Variants in CAST observed in about 807,000 individuals in gnomAD.
CAST encodes the protein MIR583 host.
CAST carries 76 observed loss-of-function variants against 119.6 expected under a neutral mutation model. The observed-to-expected ratio is 0.64, with a 90% CI of 0.53 to 0.77. The LOEUF (loss-of-function observed/expected upper bound fraction) is 0.77. CAST is among the 30% of genes least tolerant of loss of function. The pLI, the probability that CAST is intolerant of heterozygous loss-of-function variation, is 0.00. For missense variants in CAST, 953 were observed against 946.5 expected, an observed-to-expected ratio of 1.01 and a Z score of -0.09; for synonymous variants, 319 against 331.6, an observed-to-expected ratio of 0.96 and a Z score of 0.41.
At chr5:96,628,000 G>A (rs572119662) in intron 1 of CAST, among the ~76,000 whole-genome samples, 2 of 152,336 alleles carry the variant, frequency 1.3e-5, no homozygotes, top group East Asian at 3.9e-4. Flanking sequence ...GAAACAGAAT[G>A]TTTGTTGAAT....
intron 10 of CAST, among the ~76,000 whole-genome samples, chr5:96,737,476 C>G (rs1761906216): frequency 6.6e-6 from 1 of 152,214 alleles, no homozygotes; most frequent in South Asian, 2.1e-4. Flanking sequence ...TCCCTTATCG[C>G]TTAGAGCAAC....
the CAST span, among the ~76,000 whole-genome samples, chr5:96,058,620 T>C: frequency 1.5e-4 from 22 of 147,102 alleles, no homozygotes; most frequent in African/African-American, 5.4e-4. Flanking sequence ...ATAATCTTTA[T>C]TATGAAGTAG....
the CAST span, among the ~76,000 whole-genome samples, chr5:96,169,684 T>C: frequency 4.6e-5 from 7 of 151,724 alleles, no homozygotes; most frequent in Non-Finnish European, 7.4e-5. Context: ...TGGTAAGGGG[T>C]GCATGATCGG....
the CAST span, among the ~76,000 whole-genome samples, chr5:96,354,822 T>C: frequency 6.6e-6 from 1 of 150,786 alleles, no homozygotes; most frequent in Non-Finnish European, 1.5e-5. Context: ...CTGTGAAAGA[T>C]GAAGGTCTAG....
chr5:96,595,575 A>G (rs937918366), intron 1 of CAST, among the ~76,000 whole-genome samples: 4 of 152,196 alleles, frequency 2.6e-5, no homozygotes, highest in African/African-American at 7.2e-5. Flanking sequence ...ACCAATGCCA[A>G]GGGTGGGATG....
intron 1 of CAST, among the ~76,000 whole-genome samples, chr5:96,644,032 C>T (rs72772062): frequency 3.3e-5 from 5 of 150,550 alleles, no homozygotes; most frequent in South Asian, 2.1e-4. Context: ...GGGGACAGAA[C>T]GAGGTTCCGT....
intron 3 of CAST, among the ~76,000 whole-genome samples, chr5:96,714,326 G>T (rs1037309793): frequency 6.6e-6 from 1 of 152,188 alleles, no homozygotes; most frequent in Non-Finnish European, 1.5e-5. Context: ...TTGAACATCT[G>T]TCCTTAAGCA....
chr5:96,084,439 C>T, the CAST span, among the ~76,000 whole-genome samples: 3 of 152,150 alleles, frequency 2.0e-5, no homozygotes, highest in Non-Finnish European at 4.4e-5. Flanking sequence ...ATAAAAGGAG[C>T]CTGGGGAATA....
At chr5:96,075,534 G>A in the CAST span, among the ~76,000 whole-genome samples, 1 of 152,140 alleles carries the variant, frequency 6.6e-6, no homozygotes, top group East Asian at 1.9e-4. Flanking sequence ...TTCCAGTTCA[G>A]CTTTCGTTCT....
At chr5:96,108,640 G>A in the CAST span, among the ~76,000 whole-genome samples, 1 of 152,320 alleles carries the variant, frequency 6.6e-6, no homozygotes, top group African/African-American at 2.4e-5. Flanking sequence ...TGTCAGACAG[G>A]GACATTTAAG....
chr5:96,327,399 C>T, the CAST span, among the ~76,000 whole-genome samples: 2 of 152,154 alleles, frequency 1.3e-5, no homozygotes, highest in Non-Finnish European at 2.9e-5. Flanking sequence ...TACTGGGATC[C>T]TTATTCAATC....
At chr5:96,590,044 G>A (rs1580837035) in intron 1 of CAST, among the ~76,000 whole-genome samples, 1 of 152,188 alleles carries the variant, frequency 6.6e-6, no homozygotes, top group Non-Finnish European at 1.5e-5. Flanking sequence ...GAAACAGGCT[G>A]TTTTATACTG....
chr5:96,245,873 C>CT, the CAST span, among the ~76,000 whole-genome samples: 2 of 152,162 alleles, frequency 1.3e-5, no homozygotes, highest in Admixed American at 1.3e-4. Flanking sequence ...AGGGTGCTAG[C>CT]TATGAGGCTG....
chr5:96,693,138 A>C (rs578250586), intron 2 of CAST, among the ~76,000 whole-genome samples: 1 of 152,252 alleles, frequency 6.6e-6, no homozygotes, highest in South Asian at 2.1e-4. Flanking sequence ...ATGATTTTAC[A>C]TATTCCAGTC....
chr5:96,605,566 C>T (rs1747237300), intron 1 of CAST, among the ~76,000 whole-genome samples: 1 of 151,968 alleles, frequency 6.6e-6, no homozygotes, highest in Non-Finnish European at 1.5e-5. Flanking sequence ...TAAAACGTTG[C>T]TAGCCTGAAA....
the CAST span, among the ~76,000 whole-genome samples, chr5:96,326,801 T>C: frequency 2.7e-5 from 4 of 150,534 alleles, no homozygotes; most frequent in African/African-American, 9.8e-5. Flanking sequence ...ATAGAGTTCA[T>C]GATCACTTGA....
chr5:96,169,165 G>A, the CAST span, among the ~76,000 whole-genome samples: 2 of 152,174 alleles, frequency 1.3e-5, no homozygotes, highest in Admixed American at 6.5e-5. Context: ...GGGAGAGCAC[G>A]TGTGTTTTTA....
chr5:96,049,702 A>G, the CAST span, among the ~76,000 whole-genome samples: 4 of 151,850 alleles, frequency 2.6e-5, no homozygotes, highest in Non-Finnish European at 2.9e-5. Context: ...AACTTGTTAT[A>G]CTTGGGATGC....
chr5:96,151,959 AC>A, the CAST span, among the ~76,000 whole-genome samples: 1 of 152,148 alleles, frequency 6.6e-6, no homozygotes, highest in East Asian at 1.9e-4. Flanking sequence ...TATTGTCATG[AC>A]CAGCAGCCTC....
Sources: allele counts gnomAD v4.1 joint callset (sites outside exome capture counted in the v4.1 genomes callset), GRCh38; gene constraint gnomAD v4.1.1; transcripts MANE v1.5; gene names NCBI Gene and HGNC (gene_info 2026-07-23, HGNC 2026-07-21).